JADE2: variants seen among roughly 807,000 people sequenced by gnomAD.
JADE2 encodes the protein E3 ubiquitin-protein ligase Jade-2.
A neutral mutation model predicts 85.7 loss-of-function variants in JADE2; 13 were observed. The observed-to-expected ratio is 0.15, with a 90% confidence interval of 0.10 to 0.24. The LOEUF (loss-of-function observed/expected upper bound fraction) is 0.24. Ranked by LOEUF, JADE2 falls within the 10% of genes least tolerant of loss-of-function variation. JADE2 has a pLI of 1.00. For missense variants in JADE2, 846 were observed against 1,115.9 expected (o/e 0.76, Z 3.45); for synonymous variants, 440 against 456.1 (o/e 0.96, Z 0.45).
rs1399962706 is a variant in JADE2 at position 134,562,030 on chromosome 5, G to A, written c.685-170G>A. Among the ~76,000 whole-genome samples, 2 of 152,168 alleles carry A rather than the reference G, an allele frequency of 1.3e-5. No homozygotes were observed. The highest frequency in any genetic ancestry group is 3.9e-4 in the East Asian group (2 of 5,192). ...GCAGGCCAAGGAGGGCTTTCCAGGAGCCCTTCCTTCCTTCCTTGCATTGTA... is the reference window on the plus strand; with the variant it reads ...GCAGGCCAAGGAGGGCTTTCCAGGAACCCTTCCTTCCTTCCTTGCATTGTA... On this transcript the variant is annotated intron_variant, in intron 6 of 11. Transcript: ENST00000681547. This position sits in a 1 kb window ranked among gnomAD's most constrained non-coding sequence, Gnocchi z 4.6.
chr5:134,579,543 C>T lies in JADE2; in HGVS notation c.*226C>T. 1.8e-6 allele frequency: 1 copy of T among 542,996 alleles called. No homozygotes were observed. The highest frequency in any genetic ancestry group is 2.9e-5 in the East Asian group (1 of 34,362). 33.6% of individuals were successfully genotyped at this position (542,996 alleles called of 1,614,324 possible). Reference sequence around the variant, plus strand: ...CCTTCCACGGCTCCGGCCGCTAGGACCCTGCCAGGTCCCGCGCACCATCCC... The same window carrying T: ...CCTTCCACGGCTCCGGCCGCTAGGATCCTGCCAGGTCCCGCGCACCATCCC... On this transcript the variant is annotated 3_prime_UTR_variant, in exon 12 of 12. Transcript: ENST00000681547. The surrounding 1 kb of genome is among the most constrained non-coding windows in gnomAD (Gnocchi z 4.6).
chr5:134,537,184 G>C (rs957855979), intron 2 of JADE2, among the ~76,000 whole-genome samples: 4 of 152,138 alleles, frequency 2.6e-5, no homozygotes, highest in Non-Finnish European at 5.9e-5. Context: ...TACCTGCAAG[G>C]CTCCCCACCA....
intron 8 of JADE2, among the ~76,000 whole-genome samples, chr5:134,565,243 A>G (rs1356165072): frequency 6.6e-6 from 1 of 152,214 alleles, no homozygotes; most frequent in Non-Finnish European, 1.5e-5. Context: ...TTAGGAACAG[A>G]GTTGTCATTG....
chr5:134,561,096 A>G (rs549553284), intron 6 of JADE2, 139 bp downstream of exon 6: 9 of 726,390 alleles, frequency 1.2e-5, no homozygotes, highest in Non-Finnish European at 2.0e-5. Context: ...AGGATGCTTC[A>G]TGGTACCATG....
Position 134,579,030 on chromosome 5 carries a change from C to T in JADE2, c.2218C>T (p.Pro740Ser), listed in dbSNP as rs367924506. The T allele has an allele frequency of 6.2e-7, 1 of 1,613,958 alleles. No homozygotes were observed. The highest frequency in any genetic ancestry group is 8.5e-7 in the Non-Finnish European group (1 of 1,180,022). ...SVAADSDVQV[P>S]GPAASPKPLG... The stretch of plus-strand genomic sequence containing the variant: ...AGCTGCTGACTCAGATGTCCAAGTG[C>T]CTGGCCCTGCAGCAAGCCCTAAGCC... The change falls in exon 12 of 12, where the codon CCT (proline) becomes TCT (serine). Residue 740 changes from proline to serine, a missense_variant. Around this residue, in one of 9 missense-constraint regions of JADE2, gnomAD observed 300 missense variants for 300.7 expected, o/e 1.00. Transcript: ENST00000681547. This position sits in a 1 kb window ranked among gnomAD's most constrained non-coding sequence, Gnocchi z 4.6.
chr5:134,575,974 A>T (rs925485731), intron 10 of JADE2, among the ~76,000 whole-genome samples: 1 of 152,090 alleles, frequency 6.6e-6, no homozygotes. Context: ...GCCAAGGTGG[A>T]AGGATTACTG....
intron 9 of JADE2, among the ~76,000 whole-genome samples, chr5:134,573,184 T>C (rs1764146648): frequency 6.6e-6 from 1 of 152,210 alleles, no homozygotes; most frequent in Admixed American, 6.5e-5. Context: ...ATTTCTTTGC[T>C]GGGAAAGAAA....
intron 3 of JADE2, among the ~76,000 whole-genome samples, chr5:134,547,667 T>C (rs1453967446): frequency 1.3e-5 from 2 of 152,264 alleles, no homozygotes; most frequent in African/African-American, 4.8e-5. Flanking sequence ...GCAGTTTTTA[T>C]ATAAATGCAC....
Position 134,578,626 on chromosome 5 carries a change from C to T in JADE2, c.1814C>T (p.Ala605Val). The T allele has an allele frequency of 6.2e-7, 1 of 1,614,196 alleles. No individual in the cohort carries two copies. Among genetic ancestry groups the T allele is most frequent in the East Asian group, 2.2e-5 (1 of 44,894 alleles). The change falls in exon 12 of 12, where the codon GCT becomes GTT. Residue 605 changes from alanine (A) to valine (V), a missense_variant. Physicochemically the swap from Ala to Val is moderately conservative, Grantham distance 64. Around this residue, in one of 9 missense-constraint regions of JADE2, gnomAD observed 119 missense variants for 163.9 expected, o/e 0.73. Coordinates refer to ENST00000681547, the MANE Select transcript of JADE2 (RefSeq NM_001388185.1). The surrounding 1 kb of genome is among the most constrained non-coding windows in gnomAD (Gnocchi z 4.4). The part of the protein sequence containing the change: ...PLNNGHREDP[A>V]PGLLSEELLQ... ...AACAATGGGCACCGCGAGGACCCTG[C>T]TCCAGGGCTGCTGTCAGAGGAACTG... is the stretch of plus-strand genomic sequence containing the variant.
chr5:134,526,364 G>A (rs1030447089), intron 1 of JADE2: 287 of 985,160 alleles, frequency 2.9e-4, no homozygotes, highest in Non-Finnish European at 3.0e-4. Flanking sequence ...GCGGGCGGGG[G>A]CGCGCCAGGG....
At chr5:134,524,550 T>A (rs1441608985), upstream of JADE2, 1 of 152,400 alleles carries the variant, frequency 6.6e-6, no homozygotes, top group Non-Finnish European at 1.5e-5. Context: ...TTTAACCCTT[T>A]CGGGGTAATG....
At position 134,555,993 on chromosome 5, in the gene JADE2, G is replaced by A. The variant is rs575947394; in HGVS notation, c.311+3784G>A. On this transcript the variant is annotated intron_variant, in intron 4 of 11. Transcript: ENST00000681547. ...TGGCTCGGAGGCCATTCTCTCTGCC[G>A]GGTTGGGCCCCTGCCTCCCCGTCTC... Among the ~76,000 whole-genome samples the A allele has an allele frequency of 2.0e-5, 3 of 152,206 alleles. No individual in the cohort carries two copies. The East Asian group carries it at 5.8e-4, about 29-fold the overall frequency.
chr5:134,563,423 A>G (rs1763450285), intron 7 of JADE2, among the ~76,000 whole-genome samples: 1 of 152,098 alleles, frequency 6.6e-6, no homozygotes, highest in Admixed American at 6.5e-5. Context: ...TTCTGAGTCC[A>G]TGTGGGAGTG....
chr5:134,579,527 G>T lies in JADE2; in HGVS notation c.*210G>T. The T allele has an allele frequency of 3.6e-6, 2 of 549,656 alleles. No individual in the cohort carries two copies. Among genetic ancestry groups the T allele is most frequent in the South Asian group, 5.5e-5 (2 of 36,676 alleles). The allele number at this position is 549,656 out of a possible 1,614,324, so 34.0% of individuals were successfully genotyped here. On this transcript the variant is annotated 3_prime_UTR_variant, in exon 12 of 12. Coordinates refer to ENST00000681547, the MANE Select transcript of JADE2 (RefSeq NM_001388185.1). This position sits in a 1 kb window ranked among gnomAD's most constrained non-coding sequence, Gnocchi z 4.6. ...CTAGGACATTAGGATTCCTTCCACG[G>T]CTCCGGCCGCTAGGACCCTGCCAGG...
intron 1 of JADE2, chr5:134,533,702 A>G: frequency 3.9e-6 from 1 of 259,304 alleles, no homozygotes; most frequent in Non-Finnish European, 5.9e-6. Context: ...ATCAGGAGTC[A>G]GGATTCTGTC....
intron 1 of JADE2, chr5:134,533,564 C>T (rs1486618886): frequency 2.0e-6 from 2 of 985,098 alleles, no homozygotes; most frequent in Non-Finnish European, 1.2e-6. Context: ...AAATGGAATT[C>T]GCTTACAGGA....
intron 1 of JADE2, among the ~76,000 whole-genome samples, chr5:134,529,248 G>C (rs995447824): frequency 6.6e-6 from 1 of 151,998 alleles, no homozygotes; most frequent in Non-Finnish European, 1.5e-5. Context: ...TTGGGGAGCA[G>C]GATACCCCTG....
intron 4 of JADE2, among the ~76,000 whole-genome samples, chr5:134,555,410 G>A (rs1015901430): frequency 3.3e-5 from 5 of 152,264 alleles, no homozygotes; most frequent in African/African-American, 1.2e-4. Flanking sequence ...CCTGGCTACA[G>A]CTGAGGGTGA....
intron 1 of JADE2, among the ~76,000 whole-genome samples, chr5:134,531,589 C>CT (rs112525085): frequency 0.11 from 16,816 of 146,972 alleles, 1,071 homozygotes; most frequent in Admixed American, 0.23. Flanking sequence ...TGATTTATAC[C>CT]TTTTTTTTTT....
Sources: allele counts gnomAD v4.1 joint callset (sites outside exome capture counted in the v4.1 genomes callset), GRCh38; gene constraint gnomAD v4.1.1; regional missense constraint gnomAD v4.1.1; non-coding constraint Gnocchi (gnomAD v3.1); transcripts MANE v1.5; gene names NCBI Gene and HGNC (gene_info 2026-07-23, HGNC 2026-07-21).